The following GSTCD variants were observed in gnomAD, a reference collection of about 807,000 sequenced individuals.
The protein encoded by GSTCD is glutathione S-transferase C-terminal domain-containing protein.
In GSTCD, 44 loss-of-function variants were observed where a neutral mutation model predicts 68.3. That is an observed-to-expected ratio of 0.64 (90% CI 0.51 to 0.83). GSTCD has a LOEUF of 0.83. GSTCD is among the 40% of genes least tolerant of loss of function. GSTCD has a pLI of 0.00. For missense variants in GSTCD, 739 were observed against 735.9 expected (o/e 1.00, Z -0.05); for synonymous variants, 273 against 255.2 (o/e 1.07, Z -0.67).
chr4:105,770,420 C>A (rs779759321), intron 5 of GSTCD, among the ~76,000 whole-genome samples: 2 of 150,470 alleles, frequency 1.3e-5, no homozygotes, highest in Non-Finnish European at 2.9e-5. Context: ...ATGTGCAGAA[C>A]ATGCAGGTTT....
At chr4:105,831,372 T>C (rs373600599) in intron 8 of GSTCD, among the ~76,000 whole-genome samples, 4 of 152,154 alleles carry the variant, frequency 2.6e-5, no homozygotes, top group African/African-American at 9.7e-5. Flanking sequence ...CAAGTTAATG[T>C]GGGGGCTGGG....
intron 5 of GSTCD, among the ~76,000 whole-genome samples, chr4:105,752,201 C>T (rs958891532): frequency 6.6e-6 from 1 of 152,060 alleles, no homozygotes; most frequent in Non-Finnish European, 1.5e-5. Context: ...TAGGAAAATA[C>T]AATGCCTTTT....
At position 105,825,802 on chromosome 4, in the gene GSTCD, T is replaced by C; in HGVS notation, c.1530+2T>C. 1 of 1,508,834 alleles carries C rather than the reference T, an allele frequency of 6.6e-7. No individual in the cohort carries two copies. Among genetic ancestry groups the C allele is most frequent in the East Asian group, 2.3e-5 (1 of 43,934 alleles). 93.5% of individuals were successfully genotyped at this position (1,508,834 alleles called of 1,614,324 possible). A position where few individuals can be genotyped will look rare whatever the true frequency, so the allele number is the denominator to read the frequency against. On this transcript the variant is annotated splice_donor_variant, in intron 8 of 11. Transcript: ENST00000515279. LOFTEE classifies it high-confidence loss of function. ...TTTACTGGGATGTTTAATATTGGAG[T>C]AAGTAATCAAGTAATTTCAATTTCT...
chr4:105,778,790 TC>T (rs982604235), intron 5 of GSTCD, among the ~76,000 whole-genome samples: 2 of 152,148 alleles, frequency 1.3e-5, no homozygotes, highest in Admixed American at 6.5e-5. Flanking sequence ...TAATATACTT[TC>T]CAGACATATG....
intron 5 of GSTCD, among the ~76,000 whole-genome samples, chr4:105,817,989 T>C (rs1361243400): frequency 6.6e-6 from 1 of 151,944 alleles, no homozygotes; most frequent in Non-Finnish European, 1.5e-5. Flanking sequence ...GAAAACTCAT[T>C]CATTAAACTT....
chr4:105,845,713 G>T lies in GSTCD; in HGVS notation c.*136G>T. On this transcript the variant is annotated 3_prime_UTR_variant, in exon 12 of 12. Transcript: ENST00000515279. The stretch of plus-strand genomic sequence containing the variant: ...ATTGTGCTCAGGAAGGAAAGCAACA[G>T]GGAAATCTTGGAAGTAAAGGCTCCC... The T allele has an allele frequency of 1.2e-6, 1 of 846,846 alleles. No homozygotes were observed. 52.5% of individuals were successfully genotyped at this position (846,846 alleles called of 1,614,324 possible).
At chr4:105,827,470 C>A (rs546900054) in intron 8 of GSTCD, among the ~76,000 whole-genome samples, 1 of 151,980 alleles carries the variant, frequency 6.6e-6, no homozygotes, top group South Asian at 2.1e-4. Context: ...TCATAATTAC[C>A]CTTGTCAAGG....
chr4:105,842,654 A>T (rs7676975), intron 11 of GSTCD, among the ~76,000 whole-genome samples: 16,665 of 152,250 alleles, frequency 0.11, 1,408 homozygotes, highest in African/African-American at 0.22. Flanking sequence ...TATTGAAGAC[A>T]TCACTTTAGA....
chr4:105,791,765 T>C (rs1735684326), intron 5 of GSTCD, among the ~76,000 whole-genome samples: 1 of 141,298 alleles, frequency 7.1e-6, no homozygotes, highest in Non-Finnish European at 1.6e-5. Context: ...CTTAAAACTT[T>C]TGTTGAATGA....
At position 105,768,954 on chromosome 4, in the gene GSTCD, G is replaced by T. The variant is rs1734725316; in HGVS notation, c.1240+39455G>T. Among the ~76,000 whole-genome samples, 3 of 151,658 alleles carry T rather than the reference G, an allele frequency of 2.0e-5. No individual in the cohort carries two copies. The South Asian group carries it at 6.2e-4, about 32-fold the overall frequency. On this transcript the variant is annotated intron_variant, in intron 5 of 11. Transcript: ENST00000515279. ...ATAAGCTATTCAACAAGTGACATAA[G>T]CTATTCACTATTTTATAGAATATAG... is the stretch of plus-strand genomic sequence containing the variant.
At chr4:105,783,040 A>G (rs1735340416) in intron 5 of GSTCD, among the ~76,000 whole-genome samples, 1 of 152,180 alleles carries the variant, frequency 6.6e-6, no homozygotes, top group Admixed American at 6.5e-5. Flanking sequence ...TACAAAGCAC[A>G]TCTCACATTC....
rs374400641 is a variant in GSTCD, at chr4:105,803,609, T to C, written c.1241-19345T>C. On this transcript the variant is annotated intron_variant, in intron 5 of 11. Coordinates refer to ENST00000515279, the MANE Select transcript of GSTCD (RefSeq NM_001370181.1). ...AAAAAATGTTTTGGGTTATTTGTAA[T>C]AGCAGAAAAAATTGAAATATCCCAA... Among the ~76,000 whole-genome samples the C allele has an allele frequency of 2.0e-4, 30 of 151,762 alleles. No individual in the cohort carries two copies. The South Asian group carries it at 5.8e-3, about 29-fold the overall frequency.
chr4:105,818,317 T>A (rs1723106865), intron 5 of GSTCD, among the ~76,000 whole-genome samples: 1 of 151,778 alleles, frequency 6.6e-6, no homozygotes, highest in Admixed American at 6.6e-5. Context: ...AAGTAGGAGA[T>A]GTTTTAAATT....
intron 5 of GSTCD, among the ~76,000 whole-genome samples, chr4:105,774,719 C>T (rs908279373): frequency 2.0e-5 from 3 of 152,160 alleles, no homozygotes; most frequent in African/African-American, 7.2e-5. Flanking sequence ...CAGAGAGATC[C>T]GCTGTTAGTC....
rs1297688695 is a variant in GSTCD at position 105,717,921 on chromosome 4, C to T, written c.308C>T (p.Ala103Val). The T allele has an allele frequency of 6.2e-7, 1 of 1,614,042 alleles. No individual in the cohort carries two copies. ...GAACGATCAGACAATTTTTGTAGAGCAGGACTTGCTGTTGTATTGAGACAC... is the reference window on the plus strand; with the variant it reads ...GAACGATCAGACAATTTTTGTAGAGTAGGACTTGCTGTTGTATTGAGACAC... ...VVERSDNFCR[A>V]GLAVVLRHII... is the part of the protein sequence containing the mutation. Residue 103 changes from alanine to valine, a missense_variant, in exon 2 of 12, where the codon GCA becomes GTA. Transcript: ENST00000515279.
intron 5 of GSTCD, among the ~76,000 whole-genome samples, chr4:105,741,960 T>C (rs1733644436): frequency 6.6e-6 from 1 of 152,096 alleles, no homozygotes; most frequent in South Asian, 2.1e-4. Context: ...TATGTAGGGG[T>C]ATGGAGGATC....
intron 5 of GSTCD, among the ~76,000 whole-genome samples, chr4:105,773,460 A>G (rs1387926189): frequency 1.3e-5 from 2 of 152,130 alleles, no homozygotes; most frequent in African/African-American, 4.8e-5. Flanking sequence ...TAGGGTGTTG[A>G]TTTTAGATCT....
intron 5 of GSTCD, among the ~76,000 whole-genome samples, chr4:105,745,972 G>A (rs1226496803): frequency 6.6e-6 from 1 of 152,138 alleles, no homozygotes; most frequent in African/African-American, 2.4e-5. Context: ...GATATGGGGA[G>A]AGTGCATAAA....
intron 5 of GSTCD, among the ~76,000 whole-genome samples, chr4:105,767,245 G>C (rs751666431): frequency 6.6e-6 from 1 of 152,150 alleles, no homozygotes; most frequent in Non-Finnish European, 1.5e-5. Context: ...CGGATGCAAT[G>C]ATTGGCTGAG....
Sources: gnomAD v4.1 joint callset for allele counts (sites outside exome capture counted in the v4.1 genomes callset) on GRCh38, gnomAD v4.1.1 for gene constraint, MANE v1.5 for transcripts, NCBI Gene and HGNC (gene_info 2026-07-23, HGNC 2026-07-21) for gene names.